Variants in CCNT1 observed in about 807,000 individuals in gnomAD.
CCNT1 encodes the protein cyclin-T1.
A neutral mutation model predicts 67.3 loss-of-function variants in CCNT1; 18 were observed. The ratio of observed to expected loss-of-function variants is 0.27; its 90% CI spans 0.18 to 0.40. CCNT1 has a LOEUF of 0.40. CCNT1 is among the 10% of genes least tolerant of loss of function. The probability of loss-of-function intolerance (pLI) is 1.00; values close to 1 mark genes in which losing one functional copy is unlikely to be tolerated. For synonymous variants in CCNT1, 333 were observed against 310.3 expected (o/e 1.07, Z -0.77); for missense variants, 744 against 884.9 (o/e 0.84, Z 2.02).
rs772894669 is a variant in CCNT1 at position 48,691,402 on chromosome 12, A to C, written c.*1631T>G. The C allele has an allele frequency of 6.6e-6, 1 of 152,220 alleles. No individual in the cohort carries two copies. Among genetic ancestry groups the C allele is most frequent in the Non-Finnish European group, 1.5e-5 (1 of 68,036 alleles). 9.4% of individuals were successfully genotyped at this position (152,220 alleles called of 1,614,324 possible). A position where few individuals can be genotyped will look rare whatever the true frequency, so the allele number is the denominator to read the frequency against. Reference sequence around the variant, plus strand: ...GAAGTAAGCTGCAATCAAATCATGAAAACAAACTCAAATTGAACCACCTTT... The same window carrying C: ...GAAGTAAGCTGCAATCAAATCATGACAACAAACTCAAATTGAACCACCTTT... On this transcript the variant is annotated 3_prime_UTR_variant, in exon 9 of 9. Transcript: ENST00000261900.
At chr12:48,703,297 G>A (rs1053236008) in intron 3 of CCNT1, among the ~76,000 whole-genome samples, 10 of 152,030 alleles carry the variant, frequency 6.6e-5, no homozygotes, top group African/African-American at 2.4e-4. Flanking sequence ...AAGCTGGCTG[G>A]ACATGGTGGC....
In CCNT1 at chr12:48,694,147, G is replaced by A; in HGVS notation, c.1067C>T (p.Ala356Val). The A allele has an allele frequency of 6.2e-7, 1 of 1,614,214 alleles. No individual in the cohort carries two copies. The change falls in exon 9 of 9, where the codon GCA becomes GTA. Residue 356 changes from alanine to valine, a missense_variant. Physicochemically the swap from Ala to Val is moderately conservative, Grantham distance 64. Around this residue, in one of 3 missense-constraint regions of CCNT1, gnomAD observed 564 missense variants for 574.2 expected, o/e 0.98. Transcript: ENST00000261900. Reference protein sequence around the residue: ...TQGHRTSENLALTGVDHSLPQ... With the variant: ...TQGHRTSENLVLTGVDHSLPQ... ...TAAGGAATGATCAACTCCTGTAAGT[G>A]CTAAATTCTCACTAGTCCGATGACC...
At chr12:48,696,318 G>A (rs1156634948) in intron 6 of CCNT1, among the ~76,000 whole-genome samples, 156 bp from the exon 7 acceptor site, 1 of 142,398 alleles carries the variant, frequency 7.0e-6, no homozygotes, top group African/African-American at 2.6e-5. Context: ...GCAATGCTCT[G>A]ATCTAGCACT....
chr12:48,716,535 G>A lies in CCNT1; in HGVS notation c.141C>T (p.Asp47=). 6.2e-7 allele frequency: 1 copy of A among 1,614,096 alleles called. No homozygotes were observed. Among genetic ancestry groups the A allele is most frequent in the Non-Finnish European group, 8.5e-7 (1 of 1,179,944 alleles). ...YRQQAANLLQ[D]MGQRLNVSQL... Reference sequence around the variant, plus strand: ...GATACACGTTAAGACGCTGCCCCATGTCCTGAAGCAGATTGGCCGCCTGCT... The same window carrying A: ...GATACACGTTAAGACGCTGCCCCATATCCTGAAGCAGATTGGCCGCCTGCT... Residue 47 remains aspartate (D), a synonymous_variant, in exon 1 of 9, where the codon GAC becomes GAT. Coordinates refer to ENST00000261900, the MANE Select transcript of CCNT1 (RefSeq NM_001240.4).
At position 48,694,020 on chromosome 12, in the gene CCNT1, T is replaced by C. The variant is rs778419072; in HGVS notation, c.1194A>G (p.Glu398=). ...GTTGCCTCTTCTGGGCAGCCAATTC[T>C]TCTGCATGCTTCGCGCGGTATTCTT... The part of the protein sequence containing the change: ...SLKEYRAKHA[E]ELAAQKRQLE... The change falls in exon 9 of 9, where the codon GAA becomes GAG. Residue 398 remains glutamate, a synonymous_variant. Coordinates refer to ENST00000261900, the MANE Select transcript of CCNT1 (RefSeq NM_001240.4). 3.1e-6 allele frequency: 5 copies of C among 1,614,274 alleles called. No individual in the cohort carries two copies. In the South Asian group the frequency reaches 4.4e-5, roughly 14 times the overall value.
chr12:48,715,435 T>C (rs1263131186), intron 1 of CCNT1, among the ~76,000 whole-genome samples: 1 of 152,000 alleles, frequency 6.6e-6, no homozygotes, highest in Admixed American at 6.6e-5. Context: ...AACAAAAATA[T>C]GTGGGAGAGG....
chr12:48,716,446 G>A, intron 1 of CCNT1, 69 bp downstream of exon 1: 1 of 1,444,006 alleles, frequency 6.9e-7, no homozygotes, highest in Non-Finnish European at 9.4e-7. Context: ...CCCCCACAGA[G>A]CCTGAGACCC....
chr12:48,705,287 G>T (rs867059890), intron 3 of CCNT1, among the ~76,000 whole-genome samples: 105 of 145,020 alleles, frequency 7.2e-4, no homozygotes, highest in African/African-American at 2.4e-3. Context: ...GTTTTTTGTT[G>T]TTGTTGTTGT....
intron 2 of CCNT1, 127 bp from the exon 3 acceptor site, chr12:48,706,023 C>T: frequency 1.3e-6 from 1 of 776,788 alleles, no homozygotes; most frequent in Non-Finnish European, 2.0e-6. Context: ...CCTCTTTACC[C>T]TTTCCCGCCC....
chr12:48,710,246 A>G (rs1592125979), intron 2 of CCNT1, among the ~76,000 whole-genome samples: 1 of 152,170 alleles, frequency 6.6e-6, no homozygotes, highest in East Asian at 1.9e-4. Flanking sequence ...ATGCCTGAGG[A>G]CTTGACAGGA....
intron 1 of CCNT1, among the ~76,000 whole-genome samples, chr12:48,715,365 G>A (rs1170564642): frequency 6.6e-6 from 1 of 152,086 alleles, no homozygotes; most frequent in African/African-American, 2.4e-5. Context: ...CACGCAGAGT[G>A]GAAAGAAATT....
At chr12:48,699,924 T>C (rs1028005337) in intron 4 of CCNT1, 84 bp from the exon 5 acceptor site, 2 of 791,674 alleles carry the variant, frequency 2.5e-6, no homozygotes, top group African/African-American at 1.7e-5. Context: ...TGATTGTAAA[T>C]TACACCTTAC....
intron 2 of CCNT1, among the ~76,000 whole-genome samples, 189 bp from the exon 3 acceptor site, chr12:48,706,085 C>T (rs754888312): frequency 1.5e-4 from 23 of 151,950 alleles, no homozygotes; most frequent in Non-Finnish European, 3.1e-4. Context: ...TCTCCACTTC[C>T]AAATACCAAT....
Position 48,705,761 on chromosome 12 carries a change from C to T in CCNT1, c.372+7G>A, listed in dbSNP as rs780767121. On this transcript the variant is annotated splice_region_variant and intron_variant, in intron 3 of 8. Transcript: ENST00000261900. ...TAAGAAAAACAGATGTGTAATTAAT[C>T]TCCTACCTCACTTCTAGTATCAGGA... is the stretch of plus-strand genomic sequence containing the variant. 2.5e-6 allele frequency: 4 copies of T among 1,602,280 alleles called. No homozygotes were observed. The highest frequency in any genetic ancestry group is 3.4e-6 in the Non-Finnish European group (4 of 1,175,548).
intron 2 of CCNT1, among the ~76,000 whole-genome samples, chr12:48,709,266 C>T (rs1279721719): frequency 6.6e-6 from 1 of 152,106 alleles, no homozygotes; most frequent in Non-Finnish European, 1.5e-5. Flanking sequence ...AAACAAAGAA[C>T]TAGATAAATG....
intron 8 of CCNT1, among the ~76,000 whole-genome samples, chr12:48,694,750 A>G (rs1436067087): frequency 6.6e-6 from 1 of 152,188 alleles, no homozygotes; most frequent in Non-Finnish European, 1.5e-5. Context: ...AGTTCTAGAA[A>G]TTTTGGTGAG....
At chr12:48,704,946 C>T (rs1027710661) in intron 3 of CCNT1, among the ~76,000 whole-genome samples, 4 of 152,122 alleles carry the variant, frequency 2.6e-5, no homozygotes, top group African/African-American at 7.2e-5. Flanking sequence ...CATCCCAAAA[C>T]CATCTCCAAC....
intron 2 of CCNT1, 70 bp downstream of exon 2, chr12:48,714,373 A>C: frequency 1.0e-6 from 1 of 974,256 alleles, no homozygotes; most frequent in Non-Finnish European, 1.6e-6. Context: ...AGCAAAGACC[A>C]ACCACAAATG....
At position 48,699,781 on chromosome 12, in the gene CCNT1, G is replaced by A. The variant is rs1176255458; in HGVS notation, c.493C>T (p.Arg165Ter). The change falls in exon 5 of 9, where the codon CGA (arginine) becomes TGA (stop). Residue 165 changes from arginine (R) to a stop codon, truncating the protein, a stop_gained. Coordinates refer to ENST00000261900, the MANE Select transcript of CCNT1 (RefSeq NM_001240.4). LOFTEE classifies it high-confidence loss of function. ...TTCATAAGCTGGGATTCCTTACCTC[G>A]AACAAGTTGAGTGCACTTTACTACA... ...THVVKCTQLV[R>*]ASKDLAQTSY... The A allele has an allele frequency of 2.5e-6, 4 of 1,605,552 alleles. No homozygotes were observed. Among genetic ancestry groups the A allele is most frequent in the Non-Finnish European group, 3.4e-6 (4 of 1,173,828 alleles).
Sources: gnomAD v4.1 joint callset for allele counts (sites outside exome capture counted in the v4.1 genomes callset) on GRCh38, gnomAD v4.1.1 for gene constraint, gnomAD v4.1.1 regional missense constraint, MANE v1.5 for transcripts, NCBI Gene and HGNC (gene_info 2026-07-23, HGNC 2026-07-21) for gene names.